Variants in MAST4 observed in about 807,000 individuals in gnomAD.
MAST4 encodes the protein microtubule associated serine/threonine kinase family member 4.
Under a neutral mutation model 162.7 loss-of-function variants are expected in MAST4, and 89 were observed. The observed-to-expected ratio is 0.55, with a 90% CI of 0.46 to 0.65. MAST4 has a LOEUF of 0.65. MAST4 is among the 30% of genes least tolerant of loss of function. The pLI is 0.00. For synonymous variants in MAST4, 1,479 were observed against 1,361.1 expected (o/e 1.09, Z -1.91); for missense variants, 3,153 against 3,374.0 (o/e 0.93, Z 1.62).
intron 3 of MAST4, among the ~76,000 whole-genome samples, chr5:66,872,199 TCA>T (rs1229466116): frequency 6.6e-6 from 1 of 152,190 alleles, no homozygotes; most frequent in Non-Finnish European, 1.5e-5. Context: ...AGTCAAAGTC[TCA>T]CTCTGTCACC....
chr5:66,766,144 T>C (rs776595423), intron 2 of MAST4, among the ~76,000 whole-genome samples: 15 of 152,198 alleles, frequency 9.9e-5, no homozygotes, highest in Non-Finnish European at 1.5e-4. Context: ...TCTTGGGATC[T>C]TGAATCCTGG....
intron 5 of MAST4, among the ~76,000 whole-genome samples, chr5:67,076,878 T>C (rs573611867): frequency 6.6e-6 from 1 of 152,288 alleles, no homozygotes; most frequent in South Asian, 2.1e-4. Context: ...TAGTTAGCAA[T>C]ACAAACTCTG....
intron 2 of MAST4, among the ~76,000 whole-genome samples, chr5:66,777,913 C>T (rs905855380): frequency 2.0e-5 from 3 of 152,150 alleles, no homozygotes; most frequent in Non-Finnish European, 4.4e-5. Flanking sequence ...TTGCTGTTTC[C>T]TTCCATATAT....
chr5:67,164,961 C>G lies in MAST4; in HGVS notation c.5782C>G (p.His1928Asp). ...ACAGAGAGAGGGCAGCTCCCCTAAA[C>G]ACCAAGACCACACCACTGACCCCAA... ...PQQREGSSPK[H>D]QDHTTDPKLL... The change falls in exon 29 of 29, where the codon CAC (histidine) becomes GAC (aspartate). Residue 1928 changes from histidine (H) to aspartate (D), a missense_variant. His to Asp is a moderately conservative substitution (Grantham distance 81). This residue lies in a region of MAST4 where 1,644 missense variants were observed against 1,495.0 expected (regional missense o/e 1.10). Transcript: ENST00000403625. This position sits in a 1 kb window ranked among gnomAD's most constrained non-coding sequence, Gnocchi z 5.3. 1.2e-6 allele frequency: 2 copies of G among 1,613,950 alleles called. No individual in the cohort carries two copies. The highest frequency in any genetic ancestry group is 2.7e-5 in the African/African-American group (2 of 75,052).
At chr5:67,028,062 AAAG>A (rs1390077931) in intron 4 of MAST4, among the ~76,000 whole-genome samples, 2 of 152,040 alleles carry the variant, frequency 1.3e-5, no homozygotes, top group Non-Finnish European at 2.9e-5. Context: ...AGGAAAACAC[AAAG>A]AAGTAACAGA....
intron 1 of MAST4, among the ~76,000 whole-genome samples, chr5:66,753,221 C>T (rs1038507386): frequency 2.0e-5 from 3 of 152,106 alleles, no homozygotes; most frequent in Non-Finnish European, 2.9e-5. Context: ...AATTGACACC[C>T]TAATATCACA....
intron 2 of MAST4, among the ~76,000 whole-genome samples, chr5:66,785,824 G>A (rs1195940172): frequency 1.3e-5 from 2 of 152,168 alleles, no homozygotes; most frequent in African/African-American, 4.8e-5. Flanking sequence ...CACATCAGGA[G>A]AATTATACAG....
chr5:66,938,086 A>C (rs1742957915), intron 4 of MAST4, among the ~76,000 whole-genome samples: 1 of 152,110 alleles, frequency 6.6e-6, no homozygotes, highest in Non-Finnish European at 1.5e-5. Context: ...TTGGTTTTCT[A>C]GATACAAAAT....
chr5:67,031,384 AG>A (rs1755299630), intron 4 of MAST4, among the ~76,000 whole-genome samples: 1 of 152,142 alleles, frequency 6.6e-6, no homozygotes, highest in Non-Finnish European at 1.5e-5. Flanking sequence ...CTAGGGACTG[AG>A]GGCTTGGATC....
intron 1 of MAST4, among the ~76,000 whole-genome samples, chr5:66,656,185 T>A (rs530510405): frequency 6.6e-6 from 1 of 152,338 alleles, no homozygotes; most frequent in Non-Finnish European, 1.5e-5. Flanking sequence ...GGAAGACCTT[T>A]CTGCTCTGTA....
At position 66,605,189 on chromosome 5, in the gene MAST4, C is replaced by T. The variant is rs925051521; in HGVS notation, c.363+8171C>T. Among the ~76,000 whole-genome samples, 8 of 152,298 alleles carry T rather than the reference C, an allele frequency of 5.3e-5. No individual in the cohort carries two copies. The East Asian group carries it at 1.5e-3, about 29-fold the overall frequency. ...GCTTGATTGAAATAACCTGAGCCCTCACCTAGGCTTCATTTGAAGAGTGGC... is the reference window on the plus strand; with the variant it reads ...GCTTGATTGAAATAACCTGAGCCCTTACCTAGGCTTCATTTGAAGAGTGGC... On this transcript the variant is annotated intron_variant, in intron 1 of 28. Coordinates refer to ENST00000403625, the MANE Select transcript of MAST4 (RefSeq NM_001164664.2).
intron 2 of MAST4, among the ~76,000 whole-genome samples, chr5:66,780,033 A>C (rs1359549438): frequency 1.3e-5 from 2 of 152,218 alleles, no homozygotes; most frequent in Admixed American, 6.5e-5. Flanking sequence ...GTATTGGCCA[A>C]GCAAGGGATT....
intron 3 of MAST4, among the ~76,000 whole-genome samples, chr5:66,806,384 C>T (rs1756186301): frequency 6.6e-6 from 1 of 152,294 alleles, no homozygotes; most frequent in Middle Eastern, 3.4e-3. Context: ...TCACTAAAGT[C>T]GGAAGCTTCT....
chr5:66,844,794 A>C (rs971613210), intron 3 of MAST4, among the ~76,000 whole-genome samples: 3 of 152,070 alleles, frequency 2.0e-5, no homozygotes, highest in Admixed American at 6.6e-5. Context: ...CTATGGAGTT[A>C]TCAGAAGCCT....
rs1277596702 is a variant in MAST4 at position 66,596,833 on chromosome 5, G to T, written c.178G>T (p.Glu60Ter). The T allele has an allele frequency of 2.3e-6, 3 of 1,305,658 alleles. No homozygotes were observed. The African/African-American group carries it at 4.7e-5, about 20-fold the overall frequency. The allele number at this position is 1,305,658 out of a possible 1,614,324, so 80.9% of individuals were successfully genotyped here. A position where few individuals can be genotyped will look rare whatever the true frequency, so the allele number is the denominator to read the frequency against. The change falls in exon 1 of 29, where the codon GAG becomes TAG. Residue 60 changes from glutamate (E) to a stop codon, truncating the protein, a stop_gained. Transcript: ENST00000403625. LOFTEE classifies it high-confidence loss of function. ...AGGGGAGCCCGGCGGCTTCTCCAGA[G>T]AGCATCAGCCGCCGCCGCCGCCGCC... is the stretch of plus-strand genomic sequence containing the variant. The part of the protein sequence containing the change: ...EEGEPGGFSR[E>*]HQPPPPPPLG...
chr5:67,044,927 G>T (rs753253804), intron 4 of MAST4, among the ~76,000 whole-genome samples: 1 of 152,136 alleles, frequency 6.6e-6, no homozygotes, highest in Non-Finnish European at 1.5e-5. Context: ...GTTCCAGTAG[G>T]ATGTTTCATA....
chr5:66,673,113 A>G (rs1336719209), intron 1 of MAST4, among the ~76,000 whole-genome samples: 1 of 152,046 alleles, frequency 6.6e-6, no homozygotes, highest in African/African-American at 2.4e-5. Context: ...ATTGCCTTTC[A>G]TATCCTTTGG....
At chr5:67,005,234 T>A (rs935847943) in intron 4 of MAST4, 11 of 637,810 alleles carry the variant, frequency 1.7e-5, no homozygotes, top group Non-Finnish European at 1.1e-5. Context: ...GAGGGGGTAC[T>A]GTTTCAGGTA....
At chr5:67,078,004 C>T (rs1328722578) in intron 5 of MAST4, among the ~76,000 whole-genome samples, 2 of 152,064 alleles carry the variant, frequency 1.3e-5, no homozygotes, top group Non-Finnish European at 2.9e-5. Flanking sequence ...GAGGCTGAGG[C>T]AGGAGAATCG....
Sources: gnomAD v4.1 joint callset for allele counts (sites outside exome capture counted in the v4.1 genomes callset) on GRCh38, gnomAD v4.1.1 for gene constraint, gnomAD v4.1.1 regional missense constraint, Gnocchi (gnomAD v3.1) non-coding constraint, MANE v1.5 for transcripts, NCBI Gene and HGNC (gene_info 2026-07-23, HGNC 2026-07-21) for gene names.